Variants in WDR20 observed in about 807,000 individuals in gnomAD.
The protein encoded by WDR20 is WD repeat domain 20.
WDR20 carries 3 observed loss-of-function variants against 38.7 expected under a neutral mutation model. The observed-to-expected ratio is 0.08, with a 90% CI of 0.04 to 0.20. WDR20 has a LOEUF of 0.20. Among genes scored for constraint, WDR20 ranks in the 10% least tolerant of loss-of-function variants. The pLI is 1.00. For synonymous variants in WDR20, 298 were observed against 285.6 expected (o/e 1.04, Z -0.44); for missense variants, 559 against 727.7 (o/e 0.77, Z 2.67).
chr14:102,170,342 A>T (rs2060563668), intron 1 of WDR20, among the ~76,000 whole-genome samples: 2 of 152,210 alleles, frequency 1.3e-5, no homozygotes, highest in Admixed American at 6.5e-5. Flanking sequence ...TGAGGAATAA[A>T]TTCCTGTGAG....
upstream of WDR20, chr14:102,139,646 C>G: frequency 1.6e-6 from 1 of 644,548 alleles, no homozygotes; most frequent in South Asian, 2.0e-5. Flanking sequence ...CTGAAGCCGG[C>G]ATCACCTGGG....
chr14:102,155,109 C>T (rs2057051653), intron 1 of WDR20, among the ~76,000 whole-genome samples: 1 of 152,090 alleles, frequency 6.6e-6, no homozygotes, highest in Non-Finnish European at 1.5e-5. Flanking sequence ...GCCTTTTGTA[C>T]GATGATCTGT....
chr14:102,212,870 C>T (rs899361464), downstream of WDR20: 6 of 1,206,242 alleles, frequency 5.0e-6, no homozygotes, highest in Non-Finnish European at 6.3e-6. Context: ...TCTTTTCTAA[C>T]CTAATCTGTG....
chr14:102,165,391 T>C (rs2059547387), intron 1 of WDR20, among the ~76,000 whole-genome samples: 1 of 152,140 alleles, frequency 6.6e-6, no homozygotes, highest in Non-Finnish European at 1.5e-5. Context: ...ATCTGCTTTC[T>C]GTTTTGTGAA....
intron 1 of WDR20, among the ~76,000 whole-genome samples, chr14:102,142,263 T>C (rs1050893853): frequency 8.5e-5 from 13 of 152,238 alleles, no homozygotes; most frequent in African/African-American, 2.9e-4. Flanking sequence ...CTCTTTTAAT[T>C]GTAACTTAAA....
intron 1 of WDR20, among the ~76,000 whole-genome samples, chr14:102,141,488 C>G (rs1326150691): frequency 6.7e-6 from 1 of 148,980 alleles, no homozygotes; most frequent in Non-Finnish European, 1.5e-5. Context: ...ATCGCTTGAC[C>G]TTTTTTTTTT....
chr14:102,141,874 TTCAC>T (rs1240785461), intron 1 of WDR20, among the ~76,000 whole-genome samples: 1 of 152,204 alleles, frequency 6.6e-6, no homozygotes. Flanking sequence ...AAAAACTAAA[TTCAC>T]TAACTAGCAA....
intron 1 of WDR20, among the ~76,000 whole-genome samples, chr14:102,159,247 A>G (rs1386079171): frequency 6.6e-6 from 1 of 151,542 alleles, no homozygotes; most frequent in Non-Finnish European, 1.5e-5. Context: ...CAGCCCACCC[A>G]CTCATTTTCT....
rs1325283906 is a variant in WDR20, at chr14:102,207,153, G to A, written c.433-1450G>A. 6.6e-6 allele frequency among the ~76,000 whole-genome samples: 1 copy of A among 152,244 alleles called. No homozygotes were observed. Among genetic ancestry groups the A allele is most frequent in the Non-Finnish European group, 1.5e-5 (1 of 68,050 alleles). ...CAGCCATGCCGTTTTACGGCAGTAA[G>A]CAGTGACACCTGCTGCTGAGTAACT... On this transcript the variant is annotated intron_variant, in intron 2 of 2. Coordinates refer to ENST00000342702, the MANE Select transcript of WDR20 (RefSeq NM_144574.4). The surrounding 1 kb of genome is among the most constrained non-coding windows in gnomAD (Gnocchi z 5.0).
At chr14:102,145,611 C>T (rs2053310887) in intron 1 of WDR20, among the ~76,000 whole-genome samples, 1 of 152,052 alleles carries the variant, frequency 6.6e-6, no homozygotes, top group Non-Finnish European at 1.5e-5. Flanking sequence ...ATAGTGAAAC[C>T]CTGTCTCTAC....
At chr14:102,182,461 A>C (rs1016082739) in intron 1 of WDR20, among the ~76,000 whole-genome samples, 4 of 152,166 alleles carry the variant, frequency 2.6e-5, no homozygotes, top group African/African-American at 9.7e-5. Context: ...TGTGGTCTTA[A>C]TTGGTGTGAA....
At chr14:102,198,652 C>T (rs1299097047) in intron 2 of WDR20, among the ~76,000 whole-genome samples, 1 of 152,186 alleles carries the variant, frequency 6.6e-6, no homozygotes, top group South Asian at 2.1e-4. Context: ...GGCCACATCA[C>T]CTACGGCCTG....
At chr14:102,223,345 A>T (rs968374309) in exon 4 of WDR20, 4 of 152,576 alleles carry the variant, frequency 2.6e-5, no homozygotes, top group African/African-American at 4.8e-5. Flanking sequence ...TTCTGACGTA[A>T]TGTAATTCAG....
At chr14:102,161,133 TA>T (rs2058584528) in intron 1 of WDR20, among the ~76,000 whole-genome samples, 9 of 10,452 alleles carry the variant, frequency 8.6e-4, no homozygotes, top group Admixed American at 2.0e-3. Context: ...TATATATATA[TA>T]TATATATATT....
At position 102,207,106 on chromosome 14, in the gene WDR20, G is replaced by A. The variant is rs1014217279; in HGVS notation, c.433-1497G>A. Among the ~76,000 whole-genome samples the A allele has an allele frequency of 2.0e-5, 3 of 152,186 alleles. No individual in the cohort carries two copies. The highest frequency in any genetic ancestry group is 7.2e-5 in the African/African-American group (3 of 41,452). On this transcript the variant is annotated intron_variant, in intron 2 of 2. Coordinates refer to ENST00000342702, the MANE Select transcript of WDR20 (RefSeq NM_144574.4). This position sits in a 1 kb window ranked among gnomAD's most constrained non-coding sequence, Gnocchi z 5.0. ...TGTGTCCCCAAGGCTGGCTTGCCAC[G>A]TGCCTATTAATTTAAGAGGACCAGC...
chr14:102,200,324 C>T (rs558785934), intron 2 of WDR20, among the ~76,000 whole-genome samples: 9 of 152,262 alleles, frequency 5.9e-5, no homozygotes, highest in African/African-American at 9.6e-5. Context: ...TCTTGGCGCA[C>T]GGTTCATCTG....
At chr14:102,149,780 G>C (rs1247910690) in intron 1 of WDR20, among the ~76,000 whole-genome samples, 1 of 152,194 alleles carries the variant, frequency 6.6e-6, no homozygotes, top group Non-Finnish European at 1.5e-5. Flanking sequence ...TGCAACCTCT[G>C]CCTCCTGGGT....
intron 1 of WDR20, among the ~76,000 whole-genome samples, chr14:102,147,620 G>A (rs544737828): frequency 8.5e-5 from 13 of 152,334 alleles, no homozygotes; most frequent in Admixed American, 3.9e-4. Context: ...TGACTTAAGG[G>A]TAAAGTGCTT....
chr14:102,177,270 C>T (rs1187537950), intron 1 of WDR20, among the ~76,000 whole-genome samples: 1 of 152,188 alleles, frequency 6.6e-6, no homozygotes, highest in African/African-American at 2.4e-5. Context: ...AGTGCCTTCC[C>T]ACATATTTCT....
Sources: allele counts gnomAD v4.1 joint callset (sites outside exome capture counted in the v4.1 genomes callset), GRCh38; gene constraint gnomAD v4.1.1; non-coding constraint Gnocchi (gnomAD v3.1); transcripts MANE v1.5; gene names NCBI Gene and HGNC (gene_info 2026-07-23, HGNC 2026-07-21).